MMS22L: variants seen among roughly 807,000 people sequenced by gnomAD.
MMS22L encodes protein MMS22-like.
MMS22L carries 74 observed loss-of-function variants against 159.1 expected under a neutral mutation model. The ratio of observed to expected loss-of-function variants is 0.47; its 90% CI spans 0.39 to 0.56. MMS22L has a LOEUF of 0.56. MMS22L is among the 20% of genes least tolerant of loss of function. The pLI is 0.00. For synonymous variants in MMS22L, 517 were observed against 506.9 expected (o/e 1.02, Z -0.27); for missense variants, 1,351 against 1,422.1 (o/e 0.95, Z 0.80).
At chr6:97,154,625 T>A (rs1801646261) in intron 22 of MMS22L, among the ~76,000 whole-genome samples, 1 of 152,180 alleles carries the variant, frequency 6.6e-6, no homozygotes, top group Non-Finnish European at 1.5e-5. Flanking sequence ...TTAGTTTTCG[T>A]ATGTGGTAGG....
intron 11 of MMS22L, among the ~76,000 whole-genome samples, chr6:97,242,772 G>A (rs1300429472): frequency 6.6e-6 from 1 of 152,056 alleles, no homozygotes; most frequent in Non-Finnish European, 1.5e-5. Flanking sequence ...GTGCTGGCTT[G>A]GTAGTGGCAA....
At chr6:97,163,394 T>C (rs897003990) in intron 21 of MMS22L, among the ~76,000 whole-genome samples, 6 of 151,866 alleles carry the variant, frequency 4.0e-5, no homozygotes, top group African/African-American at 1.5e-4. Context: ...TAGAGAAGCA[T>C]GGCATGGAAG....
Position 97,281,227 on chromosome 6 carries a change from G to A in MMS22L, c.290+10C>T, listed in dbSNP as rs369915203. ...ACCTACACTCACAGAAAGTTATAAC[G>A]AAGAAATACCTGAATAAATGAAAGA... On this transcript the variant is annotated intron_variant, in intron 3 of 24. Transcript: ENST00000683635. 73 of 1,597,004 alleles carry A rather than the reference G, an allele frequency of 4.6e-5. No individual in the cohort carries two copies. Among genetic ancestry groups the A allele is most frequent in the African/African-American group, 2.3e-4 (17 of 74,026 alleles).
intron 19 of MMS22L, among the ~76,000 whole-genome samples, chr6:97,170,614 T>A (rs1803440712): frequency 6.6e-6 from 1 of 152,170 alleles, no homozygotes; most frequent in South Asian, 2.1e-4. Flanking sequence ...GTATTTTCTA[T>A]CCTATGTATT....
At chr6:97,153,906 T>C (rs1329271947) in intron 22 of MMS22L, among the ~76,000 whole-genome samples, 2 of 152,214 alleles carry the variant, frequency 1.3e-5, no homozygotes, top group Non-Finnish European at 2.9e-5. Context: ...TAATAAACAA[T>C]ACTGCTATAA....
chr6:97,218,449 T>C (rs1327260982), intron 14 of MMS22L, among the ~76,000 whole-genome samples: 2 of 152,162 alleles, frequency 1.3e-5, no homozygotes, highest in Non-Finnish European at 2.9e-5. Flanking sequence ...TCTTTGTCCT[T>C]CCTCTCTACC....
chr6:97,208,865 A>T (rs1808067880), intron 14 of MMS22L, among the ~76,000 whole-genome samples: 1 of 151,992 alleles, frequency 6.6e-6, no homozygotes, highest in African/African-American at 2.4e-5. Context: ...TATCCTCTGC[A>T]TTCATCAGAC....
intron 6 of MMS22L, chr6:97,270,555 C>T (rs913326771): frequency 4.5e-6 from 1 of 222,224 alleles, no homozygotes; most frequent in South Asian, 5.4e-5. Flanking sequence ...TTGTGTTATA[C>T]TGGGTTATCA....
At chr6:97,251,824 C>CT (rs1376128882) in intron 10 of MMS22L, among the ~76,000 whole-genome samples, 2 of 152,174 alleles carry the variant, frequency 1.3e-5, no homozygotes, top group East Asian at 3.8e-4. Flanking sequence ...TGGCTCACGC[C>CT]TGTAATCCCA....
At chr6:97,178,410 A>G (rs1430010101) in intron 18 of MMS22L, 33 bp downstream of exon 18, 1 of 1,447,500 alleles carries the variant, frequency 6.9e-7, no homozygotes, top group Non-Finnish European at 9.2e-7. Flanking sequence ...ATTGTAATTA[A>G]TCTGGACAAT....
intron 20 of MMS22L, among the ~76,000 whole-genome samples, chr6:97,167,516 T>C (rs1371113990): frequency 6.6e-6 from 1 of 152,096 alleles, no homozygotes; most frequent in Non-Finnish European, 1.5e-5. Context: ...AAAATGTAAA[T>C]ATCATTATGT....
At chr6:97,232,883 T>C (rs2128003441) in intron 12 of MMS22L, among the ~76,000 whole-genome samples, 1 of 152,222 alleles carries the variant, frequency 6.6e-6, no homozygotes. Flanking sequence ...ACATCCCAAA[T>C]TTCCTTTCTA....
intron 2 of MMS22L, among the ~76,000 whole-genome samples, chr6:97,281,669 G>C (rs75370100): frequency 5.1e-4 from 77 of 152,198 alleles, no homozygotes; most frequent in African/African-American, 1.8e-3. Flanking sequence ...ATCCTTTGAG[G>C]GGACATTTAA....
chr6:97,273,606 G>C (rs927598678), intron 4 of MMS22L, among the ~76,000 whole-genome samples: 8 of 152,170 alleles, frequency 5.3e-5, no homozygotes, highest in African/African-American at 1.9e-4. Flanking sequence ...TGCTCAGACA[G>C]TGCAAATAAT....
intron 14 of MMS22L, among the ~76,000 whole-genome samples, chr6:97,222,763 C>T (rs1294768457): frequency 6.6e-6 from 1 of 151,982 alleles, no homozygotes; most frequent in African/African-American, 2.4e-5. Context: ...TTGCCCAGAG[C>T]TAATTTTCAT....
chr6:97,251,150 A>C (rs6568831), intron 10 of MMS22L, among the ~76,000 whole-genome samples: 1 of 151,948 alleles, frequency 6.6e-6, no homozygotes, highest in African/African-American at 2.4e-5. Context: ...GGATGAATAG[A>C]TAATAAGGTA....
At chr6:97,220,937 C>A (rs1275924088) in intron 14 of MMS22L, among the ~76,000 whole-genome samples, 5 of 147,956 alleles carry the variant, frequency 3.4e-5, no homozygotes, top group African/African-American at 5.0e-5. Flanking sequence ...GGTAAAAAAA[C>A]CATCCAAGAT....
intron 14 of MMS22L, among the ~76,000 whole-genome samples, chr6:97,219,763 T>C (rs934603490): frequency 2.6e-5 from 4 of 152,072 alleles, no homozygotes; most frequent in African/African-American, 9.7e-5. Flanking sequence ...CTACTAGAGG[T>C]TCCTTAAGAA....
chr6:97,151,796 A>G lies in MMS22L; in HGVS notation c.3457T>C (p.Ser1153Pro). The G allele has an allele frequency of 3.1e-6, 5 of 1,613,646 alleles. No individual in the cohort carries two copies. Among genetic ancestry groups the G allele is most frequent in the Non-Finnish European group, 4.2e-6 (5 of 1,179,684 alleles). ...ACQVGSEEEP[S>P]SQLTSVFRQF... ...CTAAACACAGAAGTCAGCTGGGAGG[A>G]AGGTTCTTCTTCTGACCCCACTTGG... Residue 1153 changes from serine to proline, a missense_variant, in exon 23 of 25, where the codon TCC becomes CCC. Ser to Pro is a moderately conservative substitution (Grantham distance 74). Coordinates refer to ENST00000683635, the MANE Select transcript of MMS22L (RefSeq NM_001350599.2).
Sources: gnomAD v4.1 joint callset for allele counts (sites outside exome capture counted in the v4.1 genomes callset) on GRCh38, gnomAD v4.1.1 for gene constraint, MANE v1.5 for transcripts, NCBI Gene and HGNC (gene_info 2026-07-23, HGNC 2026-07-21) for gene names.